TANGO6: variants seen among roughly 807,000 people sequenced by gnomAD.
TANGO6 encodes the protein transport and golgi organization 6 homolog.
TANGO6 carries 90 observed loss-of-function variants against 114.2 expected under a neutral mutation model. That is an observed-to-expected ratio of 0.79 (90% CI 0.66 to 0.94). The LOEUF (loss-of-function observed/expected upper bound fraction) is 0.94. Ranked by LOEUF, TANGO6 falls within the 40% of genes least tolerant of loss-of-function variation. TANGO6 has a pLI of 0.00. For synonymous variants in TANGO6, 477 were observed against 509.8 expected (o/e 0.94, Z 0.87); for missense variants, 1,274 against 1,315.3 (o/e 0.97, Z 0.49).
chr16:68,970,592 G>A lies in TANGO6; in HGVS notation c.2702-3436G>A, dbSNP rs753573652. 3.3e-5 allele frequency among the ~76,000 whole-genome samples: 5 copies of A among 151,112 alleles called. No individual in the cohort carries two copies. In the South Asian group the frequency reaches 8.4e-4, roughly 25 times the overall value. On this transcript the variant is annotated intron_variant, in intron 14 of 17. Transcript: ENST00000261778. ...TGAGGCAGGAGAATCACTTGAACCC[G>A]GGAGATGGAGGTTGCAGTGAGCTGA...
In TANGO6 at chr16:68,862,994, T is replaced by C. The variant is rs765320938; in HGVS notation, c.785T>C (p.Met262Thr). The change falls in exon 3 of 18, where the codon ATG (methionine) becomes ACG (threonine). Residue 262 changes from methionine (M) to threonine (T), a missense_variant. Physicochemically the swap from Met to Thr is moderately conservative, Grantham distance 81. Coordinates refer to ENST00000261778, the MANE Select transcript of TANGO6 (RefSeq NM_024562.2). ...CTATCCAGGGGGGCCTTGAGAGACA[T>C]GCTGGATCAAGTCTATCAGCCCTTA... is the stretch of plus-strand genomic sequence containing the variant. ...RTLSRGALRD[M>T]LDQVYQPLAV... is the part of the protein sequence containing the mutation. The C allele has an allele frequency of 5.0e-6, 8 of 1,601,444 alleles. No homozygotes were observed. The highest frequency in any genetic ancestry group is 6.8e-6 in the Non-Finnish European group (8 of 1,174,262).
At chr16:68,950,589 G>A (rs1227849150) in intron 14 of TANGO6, among the ~76,000 whole-genome samples, 3 of 151,040 alleles carry the variant, frequency 2.0e-5, no homozygotes, top group Middle Eastern at 3.2e-3. Flanking sequence ...GGATGGGCGC[G>A]GTGGCTCACA....
Position 68,860,477 on chromosome 16 carries a change from C to G in TANGO6, c.688C>G (p.Leu230Val). 1 of 1,613,954 alleles carries G rather than the reference C, an allele frequency of 6.2e-7. No homozygotes were observed. Among genetic ancestry groups the G allele is most frequent in the Non-Finnish European group, 8.5e-7 (1 of 1,179,898 alleles). The change falls in exon 2 of 18, where the codon CTG becomes GTG. Residue 230 changes from leucine (L) to valine (V), a missense_variant. Physicochemically the swap from Leu to Val is conservative, Grantham distance 32. Coordinates refer to ENST00000261778, the MANE Select transcript of TANGO6 (RefSeq NM_024562.2). The part of the protein sequence containing the change: ...FGDIAAGLCQ[L>V]GFCPTKRKLL... The stretch of plus-strand genomic sequence containing the variant: ...GGATATCGCAGCAGGTCTGTGCCAA[C>G]TGGGATTCTGCCCAACCAAAAGAAA...
intron 17 of TANGO6, among the ~76,000 whole-genome samples, chr16:69,068,768 C>T (rs563402841): frequency 7.9e-5 from 12 of 152,292 alleles, no homozygotes; most frequent in African/African-American, 2.4e-4. Context: ...GGCTGGAGTG[C>T]GGTGACGCCA....
intron 14 of TANGO6, among the ~76,000 whole-genome samples, chr16:68,935,056 A>C (rs915067686): frequency 1.3e-5 from 2 of 152,194 alleles, no homozygotes; most frequent in African/African-American, 4.8e-5. Context: ...TGTAATATGC[A>C]CTTAAAAGCC....
intron 16 of TANGO6, among the ~76,000 whole-genome samples, chr16:69,039,816 T>C (rs1959746643): frequency 6.6e-6 from 1 of 152,186 alleles, no homozygotes; most frequent in African/African-American, 2.4e-5. Context: ...TCTGTAACTC[T>C]TTATTCCCTA....
chr16:69,039,116 C>T (rs903332313), intron 16 of TANGO6, among the ~76,000 whole-genome samples: 2 of 151,990 alleles, frequency 1.3e-5, no homozygotes, highest in Admixed American at 1.3e-4. Flanking sequence ...ACCCGGGAAG[C>T]GGAGCTTGCT....
Position 68,909,440 on chromosome 16 carries a change from T to C in TANGO6, c.1992+38T>C, listed in dbSNP as rs1217094858. 7 of 1,439,178 alleles carry C rather than the reference T, an allele frequency of 4.9e-6. No individual in the cohort carries two copies. The Admixed American group carries it at 1.6e-4, about 33-fold the overall frequency. 89.2% of individuals were successfully genotyped at this position (1,439,178 alleles called of 1,614,324 possible). On this transcript the variant is annotated intron_variant, in intron 11 of 17. Transcript: ENST00000261778. The stretch of plus-strand genomic sequence containing the variant: ...CACATTCTGGACCGCAGCCTTTTTT[T>C]CTTTCCAAAAAATAAAGTTTAAAAA...
At chr16:68,968,994 A>G (rs141035752) in intron 14 of TANGO6, among the ~76,000 whole-genome samples, 76 of 152,204 alleles carry the variant, frequency 5.0e-4, no homozygotes, top group African/African-American at 1.7e-3. Context: ...TAGTTACGTT[A>G]ATTCACCAAT....
intron 15 of TANGO6, among the ~76,000 whole-genome samples, chr16:68,974,610 G>A (rs890425618): frequency 6.6e-6 from 1 of 152,092 alleles, no homozygotes; most frequent in Non-Finnish European, 1.5e-5. Flanking sequence ...GTGGTGAGTC[G>A]AGATCGCGCC....
At chr16:69,039,925 A>G (rs945786920) in intron 16 of TANGO6, among the ~76,000 whole-genome samples, 1 of 152,218 alleles carries the variant, frequency 6.6e-6, no homozygotes, top group Non-Finnish European at 1.5e-5. Context: ...CTCTAGAAGC[A>G]GCTATGGTTG....
At chr16:68,866,483 C>T (rs1174577590) in intron 3 of TANGO6, among the ~76,000 whole-genome samples, 5 of 149,792 alleles carry the variant, frequency 3.3e-5, no homozygotes, top group South Asian at 2.1e-4. Context: ...ATTAGCCGGG[C>T]GCGGTGGCGG....
At chr16:69,083,210 G>A (rs921791652) in intron 17 of TANGO6, among the ~76,000 whole-genome samples, 19 of 148,282 alleles carry the variant, frequency 1.3e-4, no homozygotes, top group Admixed American at 4.8e-4. Flanking sequence ...ACAGGCATGC[G>A]CCACCACACC....
In TANGO6 at chr16:69,042,282, C is replaced by T. The variant is rs1248883090; in HGVS notation, c.3108+1861C>T. ...ACTTCTGTAGCCGGGCGGGGTGGCT[C>T]ACACCTGTAATCCCAGCACTTTGGG... On this transcript the variant is annotated intron_variant, in intron 17 of 17. Transcript: ENST00000261778. Among the ~76,000 whole-genome samples the T allele has an allele frequency of 3.3e-5, 5 of 152,244 alleles. No homozygotes were observed. In the East Asian group the frequency reaches 9.6e-4, roughly 29 times the overall value.
intron 9 of TANGO6, among the ~76,000 whole-genome samples, chr16:68,906,950 C>T (rs953578085): frequency 3.9e-5 from 6 of 151,992 alleles, no homozygotes; most frequent in Admixed American, 6.6e-5. Context: ...TGAGCCACTA[C>T]GCCCAGCTAA....
intron 17 of TANGO6, among the ~76,000 whole-genome samples, chr16:69,069,716 G>C (rs1219311365): frequency 6.6e-6 from 1 of 152,110 alleles, no homozygotes; most frequent in Non-Finnish European, 1.5e-5. Flanking sequence ...TGATAGGATT[G>C]TGTGGAATGT....
intron 4 of TANGO6, among the ~76,000 whole-genome samples, chr16:68,868,735 G>A (rs920609618): frequency 1.3e-5 from 2 of 151,928 alleles, no homozygotes; most frequent in Admixed American, 6.6e-5. Context: ...CTGACCTCGT[G>A]ATCCACCCAC....
chr16:68,863,093 T>C, intron 3 of TANGO6, 32 bp downstream of exon 3: 1 of 1,292,818 alleles, frequency 7.7e-7, no homozygotes, highest in Non-Finnish European at 1.1e-6. Context: ...TGGGGGTGAC[T>C]CATTAATGAT....
intron 15 of TANGO6, among the ~76,000 whole-genome samples, chr16:68,989,154 C>T (rs762416034): frequency 6.6e-6 from 1 of 152,162 alleles, no homozygotes; most frequent in Non-Finnish European, 1.5e-5. Context: ...TGAGCTACCA[C>T]GCCCAGCCCA....
Sources: gnomAD v4.1 joint callset for allele counts (sites outside exome capture counted in the v4.1 genomes callset) on GRCh38, gnomAD v4.1.1 for gene constraint, MANE v1.5 for transcripts, NCBI Gene and HGNC (gene_info 2026-07-23, HGNC 2026-07-21) for gene names.